Variants in TMEM63C observed in about 807,000 individuals in gnomAD.
TMEM63C encodes the protein transmembrane protein 63C.
A neutral mutation model predicts 99.2 loss-of-function variants in TMEM63C; 32 were observed. The observed-to-expected ratio is 0.32, with a 90% CI of 0.24 to 0.43. TMEM63C has a LOEUF of 0.43. TMEM63C is among the 20% of genes least tolerant of loss of function. TMEM63C has a pLI of 1.00. For missense variants in TMEM63C, 826 were observed against 1,053.0 expected (o/e 0.78, Z 2.98); for synonymous variants, 376 against 397.9 (o/e 0.94, Z 0.66).
At chr14:77,210,211 C>T (rs1414784779) in intron 1 of TMEM63C, among the ~76,000 whole-genome samples, 2 of 152,248 alleles carry the variant, frequency 1.3e-5, no homozygotes, top group East Asian at 3.9e-4. Flanking sequence ...TGCTTAATGT[C>T]TGGGGTGGAA....
At chr14:77,226,757 A>G (rs1452742189) in intron 6 of TMEM63C, among the ~76,000 whole-genome samples, 2 of 130,228 alleles carry the variant, frequency 1.5e-5, no homozygotes, top group Non-Finnish European at 3.1e-5. Flanking sequence ...GGCTGGAAGG[A>G]TCAGTTGGGA....
intron 5 of TMEM63C, among the ~76,000 whole-genome samples, chr14:77,220,551 G>C (rs1888672798): frequency 1.3e-5 from 2 of 152,080 alleles, no homozygotes; most frequent in Admixed American, 1.3e-4. Context: ...CTTCCCTGGT[G>C]AAGGCCAGCC....
intron 1 of TMEM63C, among the ~76,000 whole-genome samples, chr14:77,191,757 T>C (rs1249106024): frequency 6.6e-6 from 1 of 152,084 alleles, no homozygotes; most frequent in Non-Finnish European, 1.5e-5. Context: ...TTGGTCAGGC[T>C]GGTCTCGAAC....
At chr14:77,208,453 A>C (rs1008198031) in intron 1 of TMEM63C, among the ~76,000 whole-genome samples, 3 of 152,182 alleles carry the variant, frequency 2.0e-5, no homozygotes, top group African/African-American at 7.2e-5. Flanking sequence ...TGTCCTCGGC[A>C]TGGCTTGTCA....
intron 1 of TMEM63C, among the ~76,000 whole-genome samples, chr14:77,211,495 G>C (rs544835631): frequency 3.3e-4 from 50 of 152,240 alleles, no homozygotes; most frequent in African/African-American, 9.1e-4. Context: ...TCCCTCCCTG[G>C]GCCCTCCTGG....
chr14:77,239,998 A>G (rs962650765), intron 12 of TMEM63C, among the ~76,000 whole-genome samples: 3 of 152,194 alleles, frequency 2.0e-5, no homozygotes, highest in Non-Finnish European at 4.4e-5. Flanking sequence ...GACCAGAGAA[A>G]ACACAGCAGG....
chr14:77,209,001 G>T (rs909340005), intron 1 of TMEM63C, among the ~76,000 whole-genome samples: 8 of 152,122 alleles, frequency 5.3e-5, no homozygotes, highest in Admixed American at 3.3e-4. Flanking sequence ...TGAGGCTTCA[G>T]GAGTGACTGC....
At chr14:77,191,479 A>T (rs59436170) in intron 1 of TMEM63C, among the ~76,000 whole-genome samples, 97 of 142,072 alleles carry the variant, frequency 6.8e-4, no homozygotes, top group African/African-American at 2.4e-3. Flanking sequence ...CAATTGGTCT[A>T]TAGTGTTGCT....
At chr14:77,239,378 C>T (rs1889116176) in intron 10 of TMEM63C, 34 bp from the exon 11 acceptor site, 2 of 1,610,548 alleles carry the variant, frequency 1.2e-6, no homozygotes, top group African/African-American at 2.7e-5. Context: ...CCCAACCCCA[C>T]AGGCCGACTC....
intron 1 of TMEM63C, among the ~76,000 whole-genome samples, chr14:77,190,540 C>G (rs1729564635): frequency 6.6e-6 from 1 of 152,260 alleles, no homozygotes; most frequent in Admixed American, 6.5e-5. Flanking sequence ...AATGGACTCA[C>G]AGCATTATGT....
intron 1 of TMEM63C, among the ~76,000 whole-genome samples, chr14:77,184,684 C>G (rs563489540): frequency 1.3e-5 from 2 of 152,336 alleles, no homozygotes; most frequent in South Asian, 4.1e-4. Flanking sequence ...GGCCCCAATG[C>G]TCACTCTTCT....
At chr14:77,184,634 G>A (rs1309638363) in intron 1 of TMEM63C, among the ~76,000 whole-genome samples, 2 of 152,228 alleles carry the variant, frequency 1.3e-5, no homozygotes, top group East Asian at 3.8e-4. Context: ...AGCTTCCAGT[G>A]AGATCAGCAG....
chr14:77,205,036 T>C (rs1198260040), intron 1 of TMEM63C, among the ~76,000 whole-genome samples: 1 of 152,164 alleles, frequency 6.6e-6, no homozygotes, highest in Admixed American at 6.5e-5. Flanking sequence ...AAAATGGAGC[T>C]GAGATTAACC....
In TMEM63C at chr14:77,189,745, G is replaced by A. The variant is rs549562251; in HGVS notation, c.-77+7851G>A. On this transcript the variant is annotated intron_variant, in intron 1 of 23. Coordinates refer to ENST00000298351, the MANE Select transcript of TMEM63C (RefSeq NM_020431.4). ...GAGTCAGGAAAGGGTCCAAGAGGAG[G>A]TGACAGCTGGGTGTGAAGGACTCAG... Among the ~76,000 whole-genome samples, 5 of 152,350 alleles carry A rather than the reference G, an allele frequency of 3.3e-5. No homozygotes were observed. In the East Asian group the frequency reaches 9.6e-4, roughly 29 times the overall value.
intron 1 of TMEM63C, among the ~76,000 whole-genome samples, chr14:77,186,974 C>T (rs796798548): frequency 3.3e-5 from 5 of 152,322 alleles, no homozygotes; most frequent in African/African-American, 1.2e-4. Context: ...AGCAGAAGAA[C>T]AACAGCCTGA....
At chr14:77,224,895 T>C (rs1888789611) in intron 5 of TMEM63C, among the ~76,000 whole-genome samples, 1 of 152,110 alleles carries the variant, frequency 6.6e-6, no homozygotes, top group Non-Finnish European at 1.5e-5. Flanking sequence ...CTCAAACTCC[T>C]GGGCTCAAGT....
Position 77,258,288 on chromosome 14 carries a change from C to G in TMEM63C, c.*1562C>G, listed in dbSNP as rs1889511292. 6.5e-6 allele frequency: 1 copy of G among 152,866 alleles called. No homozygotes were observed. Among genetic ancestry groups the G allele is most frequent in the Non-Finnish European group, 1.5e-5 (1 of 68,554 alleles). 9.5% of individuals were successfully genotyped at this position (152,866 alleles called of 1,614,324 possible). A position where few individuals can be genotyped will look rare whatever the true frequency, so the allele number is the denominator to read the frequency against. ...ACCTCACCTGAGCACCTGCACCAGG[C>G]CCCAGGCACATGGCTGCCCTGAACT... is the stretch of plus-strand genomic sequence containing the variant. On this transcript the variant is annotated 3_prime_UTR_variant, in exon 24 of 24. Transcript: ENST00000298351.
At chr14:77,191,545 T>TTTC (rs1566615437) in intron 1 of TMEM63C, among the ~76,000 whole-genome samples, 2 of 112,750 alleles carry the variant, frequency 1.8e-5, no homozygotes, top group African/African-American at 6.7e-5. Flanking sequence ...TTTCTTTTTT[T>TTTC]TTTTTTTTTT....
chr14:77,232,918 C>T (rs1372647712), intron 7 of TMEM63C, among the ~76,000 whole-genome samples: 1 of 152,176 alleles, frequency 6.6e-6, no homozygotes, highest in African/African-American at 2.4e-5. Context: ...AGTGTCCATG[C>T]CACCAAATGC....
Sources: allele counts gnomAD v4.1 joint callset (sites outside exome capture counted in the v4.1 genomes callset), GRCh38; gene constraint gnomAD v4.1.1; transcripts MANE v1.5; gene names NCBI Gene and HGNC (gene_info 2026-07-23, HGNC 2026-07-21).